The following MORC2 variants were observed in gnomAD, a reference collection of about 807,000 sequenced individuals.
MORC2 encodes the protein ATPase MORC2.
Under a neutral mutation model 136.0 loss-of-function variants are expected in MORC2, and 30 were observed. The observed-to-expected ratio is 0.22, with a 90% CI of 0.17 to 0.30. MORC2 has a LOEUF of 0.30. Ranked by LOEUF, MORC2 falls within the 10% of genes least tolerant of loss-of-function variation. The pLI is 1.00. For missense variants in MORC2, 922 were observed against 1,333.1 expected, an observed-to-expected ratio of 0.69 and a Z score of 4.80; for synonymous variants, 439 against 487.0, an observed-to-expected ratio of 0.90 and a Z score of 1.30.
intron 1 of MORC2, among the ~76,000 whole-genome samples, chr22:30,965,140 TG>T (rs1391640980): frequency 6.6e-6 from 1 of 152,228 alleles, no homozygotes; most frequent in Non-Finnish European, 1.5e-5. Flanking sequence ...TGCACCACAC[TG>T]ATTTCCACAC....
chr22:30,952,598 G>C (rs1302796245), intron 3 of MORC2, among the ~76,000 whole-genome samples: 1 of 152,220 alleles, frequency 6.6e-6, no homozygotes, highest in Non-Finnish European at 1.5e-5. Flanking sequence ...GTAGTGTCTA[G>C]GTCCATGGCC....
chr22:30,962,120 C>A (rs1344817163), intron 1 of MORC2, among the ~76,000 whole-genome samples: 1 of 151,716 alleles, frequency 6.6e-6, no homozygotes, highest in Non-Finnish European at 1.5e-5. Flanking sequence ...ATCGCTTGAA[C>A]CCGGGAGGTA....
chr22:30,947,713 T>C (rs1041327518), intron 5 of MORC2, among the ~76,000 whole-genome samples: 1 of 152,104 alleles, frequency 6.6e-6, no homozygotes, highest in African/African-American at 2.4e-5. Flanking sequence ...TCCTCCTCCT[T>C]CCCTAAAGCG....
At chr22:30,964,425 T>C (rs2041094407) in intron 1 of MORC2, among the ~76,000 whole-genome samples, 1 of 152,154 alleles carries the variant, frequency 6.6e-6, no homozygotes, top group Non-Finnish European at 1.5e-5. Context: ...AGTGACTAAA[T>C]GTGCCAACAA....
At chr22:30,927,985 G>T in intron 25 of MORC2, 34 bp downstream of exon 25, 1 of 1,610,340 alleles carries the variant, frequency 6.2e-7, no homozygotes, top group Non-Finnish European at 8.5e-7. Flanking sequence ...GAGACCAGGT[G>T]GTCCAGCTGC....
rs756749223 is a variant in MORC2, at chr22:30,937,621, C to T, written c.1460G>A (p.Arg487His). 2.5e-6 allele frequency: 4 copies of T among 1,613,514 alleles called. No homozygotes were observed. The highest frequency in any genetic ancestry group is 1.7e-5 in the Admixed American group (1 of 60,030). Residue 487 changes from arginine to histidine, a missense_variant, in exon 15 of 26, where the codon CGC (arginine) becomes CAC (histidine). Arg to His is a conservative substitution (Grantham distance 29). This residue lies in a region of MORC2 where 119 missense variants were observed against 202.7 expected (regional missense o/e 0.59). Transcript: ENST00000397641. The surrounding 1 kb of genome is among the most constrained non-coding windows in gnomAD (Gnocchi z 4.7). The stretch of plus-strand genomic sequence containing the variant: ...GGTGGGGATTTCCATAGCTCTCCGG[C>T]GTTTGTAACGCAGCTCACTGGATGG... ...QPPSSELRYK[R>H]RRAMEIPTTI...
At chr22:30,929,051 A>G (rs1327706711) in intron 24 of MORC2, among the ~76,000 whole-genome samples, 1 of 152,234 alleles carries the variant, frequency 6.6e-6, no homozygotes, top group Non-Finnish European at 1.5e-5. Flanking sequence ...TAGCCTGGAG[A>G]GGCTTCTAGA....
chr22:30,950,097 C>T (rs758644141), intron 4 of MORC2, among the ~76,000 whole-genome samples: 3 of 152,102 alleles, frequency 2.0e-5, no homozygotes, highest in African/African-American at 2.4e-5. Context: ...AGGTCCAGCT[C>T]GAGAATGTTG....
rs755059383 is a variant in MORC2, at chr22:30,937,795, C to G, written c.1369+20G>C. 6.2e-6 allele frequency: 10 copies of G among 1,613,894 alleles called. No homozygotes were observed. In the South Asian group the frequency reaches 9.9e-5, roughly 16 times the overall value. ...CAGGTGAAGAGAAAAGGCAGAGGCC[C>G]AGCAGCCCAGCCCCATTACCGATGG... On this transcript the variant is annotated intron_variant, in intron 14 of 25. Coordinates refer to ENST00000397641, the MANE Select transcript of MORC2 (RefSeq NM_001303256.3). This position sits in a 1 kb window ranked among gnomAD's most constrained non-coding sequence, Gnocchi z 4.7.
chr22:30,944,798 G>T (rs564535395), intron 6 of MORC2, among the ~76,000 whole-genome samples: 1 of 152,282 alleles, frequency 6.6e-6, no homozygotes, highest in East Asian at 1.9e-4. Flanking sequence ...ATCCTAAAGA[G>T]ATGGAAACTC....
chr22:30,953,756 C>T (rs1013871493), intron 3 of MORC2, among the ~76,000 whole-genome samples: 2 of 152,168 alleles, frequency 1.3e-5, no homozygotes, highest in African/African-American at 2.4e-5. Context: ...TTATGACAGG[C>T]ATATTATGGT....
Position 30,928,106 on chromosome 22 carries a change from G to A in MORC2, c.2943C>T (p.Arg981=). The part of the protein sequence containing the change: ...SRAKASEESL[R]TSERKLRETE... ...TCTCGCGGAGCTTCCTCTCGGAGGT[G>A]CGCAGGCTTTCCTCGGAGGCCTTGG... Residue 981 remains arginine (R), a synonymous_variant, in exon 25 of 26, where the codon CGC becomes CGT. Coordinates refer to ENST00000397641, the MANE Select transcript of MORC2 (RefSeq NM_001303256.3). The A allele has an allele frequency of 6.2e-7, 1 of 1,614,152 alleles. No individual in the cohort carries two copies. The highest frequency in any genetic ancestry group is 8.5e-7 in the Non-Finnish European group (1 of 1,180,022).
intron 21 of MORC2, among the ~76,000 whole-genome samples, 180 bp from the exon 22 acceptor site, chr22:30,933,210 G>A (rs2040602025): frequency 6.6e-6 from 1 of 152,134 alleles, no homozygotes; most frequent in South Asian, 2.1e-4. Context: ...TTCCCCATCT[G>A]CTATGAGGGT....
At chr22:30,943,436 A>G (rs2040770344) in intron 6 of MORC2, among the ~76,000 whole-genome samples, 1 of 152,036 alleles carries the variant, frequency 6.6e-6, no homozygotes, top group Non-Finnish European at 1.5e-5. Flanking sequence ...ATTTCAATAC[A>G]CTCTTCCATT....
chr22:30,948,787 C>T (rs1054523570), intron 5 of MORC2, among the ~76,000 whole-genome samples: 1 of 152,222 alleles, frequency 6.6e-6, no homozygotes, highest in Admixed American at 6.5e-5. Flanking sequence ...TACAACCTCA[C>T]AGGGCTATCA....
At chr22:30,948,788 A>G (rs1380183530) in intron 5 of MORC2, among the ~76,000 whole-genome samples, 1 of 152,206 alleles carries the variant, frequency 6.6e-6, no homozygotes, top group Admixed American at 6.5e-5. Context: ...ACAACCTCAC[A>G]GGGCTATCAT....
intron 24 of MORC2, chr22:30,929,820 A>G (rs2040546501): frequency 6.6e-6 from 1 of 152,186 alleles, no homozygotes; most frequent in African/African-American, 2.4e-5. Context: ...AAGGTGATAC[A>G]CTGGTATTAT....
At chr22:30,957,297 A>G (rs2040981090) in intron 2 of MORC2, among the ~76,000 whole-genome samples, 1 of 152,216 alleles carries the variant, frequency 6.6e-6, no homozygotes, top group Admixed American at 6.5e-5. Flanking sequence ...CTGATTCCTG[A>G]GCCCATAATC....
chr22:30,928,601 C>G (rs2040526057), intron 24 of MORC2, among the ~76,000 whole-genome samples: 1 of 152,222 alleles, frequency 6.6e-6, no homozygotes, highest in South Asian at 2.1e-4. Flanking sequence ...AAGACATACC[C>G]AACAATGTCA....
Sources: allele counts gnomAD v4.1 joint callset (sites outside exome capture counted in the v4.1 genomes callset), GRCh38; gene constraint gnomAD v4.1.1; regional missense constraint gnomAD v4.1.1; non-coding constraint Gnocchi (gnomAD v3.1); transcripts MANE v1.5; gene names NCBI Gene and HGNC (gene_info 2026-07-23, HGNC 2026-07-21).